Variants in PTPRA observed in about 807,000 individuals in gnomAD.
The protein encoded by PTPRA is protein tyrosine phosphatase receptor type A, also known as receptor-type tyrosine-protein phosphatase alpha.
In PTPRA, 25 loss-of-function variants were observed where a neutral mutation model predicts 104.8. That is an observed-to-expected ratio of 0.24 (90% confidence interval 0.17 to 0.33). The LOEUF (loss-of-function observed/expected upper bound fraction) is 0.33. PTPRA is among the 10% of genes least tolerant of loss of function. PTPRA has a pLI of 1.00. For synonymous variants in PTPRA, 323 were observed against 368.9 expected, an observed-to-expected ratio of 0.88 and a Z score of 1.43; for missense variants, 765 against 1,015.3, an observed-to-expected ratio of 0.75 and a Z score of 3.35.
At chr20:2,893,933 G>C (rs1210186092) in intron 1 of PTPRA, among the ~76,000 whole-genome samples, 1 of 151,842 alleles carries the variant, frequency 6.6e-6, no homozygotes, top group Non-Finnish European at 1.5e-5. Context: ...AAATATATAA[G>C]CATTCTACTA....
rs12624495 is a variant in PTPRA, at chr20:2,894,211, G to A, written c.-129+20451G>A. Among the ~76,000 whole-genome samples the A allele has an allele frequency of 1.9e-3, 283 of 152,082 alleles. 3 individuals are homozygous for A. In the East Asian group the frequency reaches 0.036, roughly 19 times the overall value. On this transcript the variant is annotated intron_variant, in intron 1 of 23. Coordinates refer to ENST00000399903, the MANE Select transcript of PTPRA (RefSeq NM_001385305.1). ...TTCCAGTTTTGCAGATTTTCTTTTC[G>A]ATTTTAAAACTGGAGAATACATTAA...
At chr20:2,864,370 A>G in the PTPRA span, 3 of 1,614,064 alleles carry the variant, frequency 1.9e-6, no homozygotes, top group African/African-American at 1.3e-5. This position sits in a 1 kb window ranked among gnomAD's most constrained non-coding sequence, Gnocchi z 5.2. Flanking sequence ...TGCAGTGTTC[A>G]CGGTGTTGCT....
At chr20:2,958,926 G>C (rs2061644877) in intron 3 of PTPRA, among the ~76,000 whole-genome samples, 1 of 151,878 alleles carries the variant, frequency 6.6e-6, no homozygotes, top group South Asian at 2.1e-4. Context: ...TTCTTGAGGA[G>C]TGAGGAGGAC....
Position 2,895,824 on chromosome 20 carries a change from C to T in PTPRA, c.-129+22064C>T, listed in dbSNP as rs144370285. ...GATTACAGGTGTGAGCTACCGCACCCGGCTTATTAACCAATTTTTAATGTT... is the reference window on the plus strand; with the variant it reads ...GATTACAGGTGTGAGCTACCGCACCTGGCTTATTAACCAATTTTTAATGTT... On this transcript the variant is annotated intron_variant, in intron 1 of 23. Transcript: ENST00000399903. Among the ~76,000 whole-genome samples the T allele has an allele frequency of 3.2e-3, 488 of 152,234 alleles. 3 individuals are homozygous for T. The highest frequency in any genetic ancestry group is 0.011 in the African/African-American group (463 of 41,562).
intron 7 of PTPRA, 38 bp from the exon 8 acceptor site, chr20:2,987,994 C>T: frequency 6.6e-7 from 1 of 1,505,634 alleles, no homozygotes; most frequent in Non-Finnish European, 9.2e-7. Flanking sequence ...TCTCCCACCT[C>T]TGTGCTCCAT....
At position 2,926,769 on chromosome 20, in the gene PTPRA, CTTTTTT is replaced by C. The variant is rs777386962; in HGVS notation, c.-50+3503_-50+3508del. On this transcript the variant is annotated intron_variant, in intron 2 of 23. Transcript: ENST00000399903. The stretch of plus-strand genomic sequence containing the variant: ...TTTCTTCCTTTCCTTTTTCCTTTTC[CTTTTTT>C]TTTTTTTTTTTTTTTTTTACTTTTT... Among the ~76,000 whole-genome samples, 117 of 85,026 alleles carry C rather than the reference CTTTTTT, an allele frequency of 1.4e-3. 1 individual carries two copies. The highest frequency in any genetic ancestry group is 2.2e-3 in the Non-Finnish European group (103 of 47,580). The allele number at this position is 85,026 out of a possible 152,430, so 55.8% of individuals were successfully genotyped here. A position where few individuals can be genotyped will look rare whatever the true frequency, so the allele number is the denominator to read the frequency against.
chr20:3,018,002 G>A, intron 13 of PTPRA, 89 bp downstream of exon 13: 1 of 1,105,230 alleles, frequency 9.0e-7, no homozygotes, highest in Non-Finnish European at 1.3e-6. Flanking sequence ...CTTTGTGGGT[G>A]CTGTACCAGT....
chr20:2,928,166 C>T (rs543934857), intron 2 of PTPRA, among the ~76,000 whole-genome samples: 43 of 152,146 alleles, frequency 2.8e-4, no homozygotes, highest in African/African-American at 9.9e-4. Flanking sequence ...GACGGAGTCT[C>T]GCTCTGTTGC....
upstream of PTPRA, among the ~76,000 whole-genome samples, chr20:2,870,857 G>A (rs896596680): frequency 2.0e-5 from 3 of 152,192 alleles, no homozygotes; most frequent in African/African-American, 7.2e-5. Context: ...GAGTAGGAGG[G>A]CTCTGCAGTC....
At chr20:2,956,301 A>G (rs888193873) in intron 3 of PTPRA, among the ~76,000 whole-genome samples, 3 of 152,232 alleles carry the variant, frequency 2.0e-5, no homozygotes, top group African/African-American at 7.2e-5. Flanking sequence ...CAGTGTGTTC[A>G]GTGGTAAGTT....
chr20:2,930,386 C>T (rs2060463916), intron 2 of PTPRA, among the ~76,000 whole-genome samples: 1 of 152,132 alleles, frequency 6.6e-6, no homozygotes, highest in Non-Finnish European at 1.5e-5. Context: ...ACCAGTTTGA[C>T]TTTAACAGAG....
At chr20:3,018,589 TATAGA>T (rs1174305168) in intron 13 of PTPRA, among the ~76,000 whole-genome samples, 6 of 151,834 alleles carry the variant, frequency 4.0e-5, no homozygotes, top group African/African-American at 1.5e-4. Flanking sequence ...TTTTTCTTAG[TATAGA>T]ACAAAATGAA....
chr20:2,883,083 C>A (rs6084188), intron 1 of PTPRA, among the ~76,000 whole-genome samples: 1 of 150,428 alleles, frequency 6.6e-6, no homozygotes. Context: ...CTCCTGGGCT[C>A]GGGTGATCCT....
At chr20:2,909,577 C>T (rs78894814) in intron 1 of PTPRA, among the ~76,000 whole-genome samples, 16,731 of 151,256 alleles carry the variant, frequency 0.11, 1,110 homozygotes, top group African/African-American at 0.16. Flanking sequence ...GAGACTCCAT[C>T]TCCAAAAAAA....
rs375070304 is a variant in PTPRA, at chr20:2,988,076, G to A, written c.572G>A (p.Arg191His). Residue 191 changes from arginine (R) to histidine (H), a missense_variant, in exon 8 of 24, where the codon CGC becomes CAC. Transcript: ENST00000399903. ...GCTGGGAGCCATTCCAATTCTTTCC[G>A]CTTATCCAACGGCCGCACTGAGGAT... is the stretch of plus-strand genomic sequence containing the variant. Reference protein sequence around the residue: ...KQAGSHSNSFRLSNGRTEDVE... With the variant: ...KQAGSHSNSFHLSNGRTEDVE... The A allele has an allele frequency of 8.7e-5, 138 of 1,591,228 alleles. No homozygotes were observed. The highest frequency in any genetic ancestry group is 1.1e-4 in the Non-Finnish European group (126 of 1,159,408).
At chr20:2,864,392 A>G in the PTPRA span, 1 of 1,614,146 alleles carries the variant, frequency 6.2e-7, no homozygotes, top group Non-Finnish European at 8.5e-7. This position sits in a 1 kb window ranked among gnomAD's most constrained non-coding sequence, Gnocchi z 5.2. Context: ...CACCTGAAGA[A>G]CGAGCTGAAC....
chr20:3,006,184 C>A (rs975039597), intron 10 of PTPRA, among the ~76,000 whole-genome samples: 8 of 151,960 alleles, frequency 5.3e-5, no homozygotes, highest in Non-Finnish European at 8.8e-5. Flanking sequence ...AAAAATTCAT[C>A]CTTTTAAATT....
intron 9 of PTPRA, among the ~76,000 whole-genome samples, chr20:2,996,969 A>T (rs1344559571): frequency 6.6e-6 from 1 of 152,196 alleles, no homozygotes; most frequent in Non-Finnish European, 1.5e-5. Flanking sequence ...GCCATGTACA[A>T]AGATGTTTAT....
At chr20:2,883,910 C>T (rs1358319681) in intron 1 of PTPRA, among the ~76,000 whole-genome samples, 1 of 152,192 alleles carries the variant, frequency 6.6e-6, no homozygotes, top group Non-Finnish European at 1.5e-5. Context: ...TCTCTCCTCC[C>T]TCCAGTCCCT....
Sources: allele counts gnomAD v4.1 joint callset (sites outside exome capture counted in the v4.1 genomes callset), GRCh38; gene constraint gnomAD v4.1.1; non-coding constraint Gnocchi (gnomAD v3.1); transcripts MANE v1.5; gene names NCBI Gene and HGNC (gene_info 2026-07-23, HGNC 2026-07-21).